Variants in MGME1 observed in about 807,000 individuals in gnomAD.
MGME1 encodes the protein chromosome 20 open reading frame 72.
Under a neutral mutation model 33.0 loss-of-function variants are expected in MGME1, and 22 were observed. The ratio of observed to expected loss-of-function variants is 0.67; its 90% CI spans 0.48 to 0.95. The LOEUF (loss-of-function observed/expected upper bound fraction) is 0.95. Among genes scored for constraint, MGME1 ranks in the 40% least tolerant of loss-of-function variants. MGME1 has a pLI of 0.00. For synonymous variants in MGME1, 133 were observed against 144.0 expected (o/e 0.92, Z 0.55); for missense variants, 383 against 397.8 (o/e 0.96, Z 0.32).
intron 1 of MGME1, 143 bp from the exon 2 acceptor site, chr20:17,969,658 A>C (rs954954421): frequency 5.6e-6 from 3 of 535,602 alleles, no homozygotes; most frequent in Admixed American, 3.7e-5. Context: ...TTTATTTATA[A>C]ATTTTTTTTG....
chr20:17,971,475 T>G (rs1278821416), intron 2 of MGME1, among the ~76,000 whole-genome samples: 1 of 152,218 alleles, frequency 6.6e-6, no homozygotes, highest in Non-Finnish European at 1.5e-5. Context: ...CACTAAAATT[T>G]AGAATTGATA....
chr20:17,983,321 C>A (rs2036080766), intron 3 of MGME1, among the ~76,000 whole-genome samples: 1 of 122,164 alleles, frequency 8.2e-6, no homozygotes, highest in African/African-American at 3.2e-5. Flanking sequence ...TTTCTTTATC[C>A]ATTTATCCAT....
rs2036250374 is a variant in MGME1 at position 17,989,924 on chromosome 20, T to C, written c.865-15T>C. 6.2e-7 allele frequency: 1 copy of C among 1,610,636 alleles called. No individual in the cohort carries two copies. The highest frequency in any genetic ancestry group is 8.5e-7 in the Non-Finnish European group (1 of 1,178,424). On this transcript the variant is annotated splice_polypyrimidine_tract_variant and intron_variant, in intron 4 of 4. Transcript: ENST00000377710. ...TACTGTAGTGAAACGAGAATTGCCC[T>C]GTGTTTCTTCCTAGGTTCAATGTGG...
intron 3 of MGME1, among the ~76,000 whole-genome samples, chr20:17,982,239 T>A (rs2036041574): frequency 6.6e-6 from 1 of 152,192 alleles, no homozygotes; most frequent in Admixed American, 6.5e-5. Context: ...TCCTGTCTTG[T>A]ACTCCCAAGT....
At chr20:17,968,753 G>A (rs2122459931), upstream of MGME1, 1 of 375,256 alleles carries the variant, frequency 2.7e-6, no homozygotes, top group Non-Finnish European at 4.9e-6. Context: ...ACACGGACGG[G>A]AAGCAACGGA....
At chr20:17,975,011 A>G (rs184142483) in intron 2 of MGME1, among the ~76,000 whole-genome samples, 1 of 151,680 alleles carries the variant, frequency 6.6e-6, no homozygotes, top group East Asian at 1.9e-4. Context: ...TAGATTTCTA[A>G]TTTTTTTTTA....
At chr20:17,985,078 A>ATAGT (rs1185492702) in intron 3 of MGME1, among the ~76,000 whole-genome samples, 4 of 150,582 alleles carry the variant, frequency 2.7e-5, no homozygotes, top group Non-Finnish European at 5.9e-5. Context: ...ATATTTCTGT[A>ATAGT]TAGTTGTACG....
rs1555792163 is a variant in MGME1, at chr20:17,990,417, G to GGT, written c.*309_*310insTG. ...TACTCCCTTGAGGGACATTGGGGGG[G>GGT]GGGGGGCGTGGTCCCAGGCAGGATG... On this transcript the variant is annotated 3_prime_UTR_variant, in exon 5 of 5. Transcript: ENST00000377710. 6.5e-5 allele frequency: 22 copies of GGT among 340,000 alleles called. 2 individuals are homozygous for GGT. The highest frequency in any genetic ancestry group is 2.7e-4 in the African/African-American group (12 of 44,702). The allele number at this position is 340,000 out of a possible 1,614,324, so 21.1% of individuals were successfully genotyped here. A position where few individuals can be genotyped will look rare whatever the true frequency, so the allele number is the denominator to read the frequency against.
At position 17,974,792 on chromosome 20, in the gene MGME1, TA is replaced by T. The variant is rs908979432; in HGVS notation, c.512-882del. ...TGAATTTTTCAGGCTGTTCCAGCACTAAAAAAAAAATACAGGAGAAGAATGT... is the reference window on the plus strand; with the variant it reads ...TGAATTTTTCAGGCTGTTCCAGCACTAAAAAAAAATACAGGAGAAGAATGT... On this transcript the variant is annotated intron_variant, in intron 2 of 4. Coordinates refer to ENST00000377710, the MANE Select transcript of MGME1 (RefSeq NM_052865.4). 5.7e-3 allele frequency among the ~76,000 whole-genome samples: 839 copies of T among 148,436 alleles called. 6 individuals carry two copies. The highest frequency in any genetic ancestry group is 0.019 in the African/African-American group (783 of 40,792).
In MGME1 at chr20:17,983,695, T is replaced by G. The variant is rs149185832; in HGVS notation, c.732-4471T>G. On this transcript the variant is annotated intron_variant, in intron 3 of 4. Coordinates refer to ENST00000377710, the MANE Select transcript of MGME1 (RefSeq NM_052865.4). ...TTTTGATTTGTCTTTCACTAATGATTAGAGATATTGAGCATATTTTCATCT... is the reference window on the plus strand; with the variant it reads ...TTTTGATTTGTCTTTCACTAATGATGAGAGATATTGAGCATATTTTCATCT... Among the ~76,000 whole-genome samples the G allele has an allele frequency of 4.2e-3, 635 of 152,338 alleles. 6 individuals carry two copies. Among genetic ancestry groups the G allele is most frequent in the African/African-American group, 0.015 (618 of 41,574 alleles).
rs545584314 is a variant in MGME1 at position 17,990,418 on chromosome 20, G to T, written c.*309G>T. The T allele has an allele frequency of 6.0e-6, 2 of 334,464 alleles. 1 individual carries two copies. The allele number at this position is 334,464 out of a possible 1,614,324, so 20.7% of individuals were successfully genotyped here. A position where few individuals can be genotyped will look rare whatever the true frequency, so the allele number is the denominator to read the frequency against. ...ACTCCCTTGAGGGACATTGGGGGGGGGGGGGCGTGGTCCCAGGCAGGATGC... is the reference window on the plus strand; with the variant it reads ...ACTCCCTTGAGGGACATTGGGGGGGTGGGGGCGTGGTCCCAGGCAGGATGC... On this transcript the variant is annotated 3_prime_UTR_variant, in exon 5 of 5. Coordinates refer to ENST00000377710, the MANE Select transcript of MGME1 (RefSeq NM_052865.4).
intron 3 of MGME1, among the ~76,000 whole-genome samples, chr20:17,984,893 C>T (rs1394348244): frequency 2.0e-5 from 3 of 151,750 alleles, no homozygotes; most frequent in African/African-American, 7.3e-5. Context: ...AAAAATTACC[C>T]GGGTGTGGTG....
intron 3 of MGME1, among the ~76,000 whole-genome samples, chr20:17,980,702 G>T (rs2035991565): frequency 6.6e-6 from 1 of 151,868 alleles, no homozygotes; most frequent in South Asian, 2.1e-4. Flanking sequence ...CCAGCTACTT[G>T]GGAGGCTGAG....
At chr20:17,976,535 T>C (rs2035872553) in intron 3 of MGME1, among the ~76,000 whole-genome samples, 1 of 152,224 alleles carries the variant, frequency 6.6e-6, no homozygotes, top group African/African-American at 2.4e-5. Flanking sequence ...TCTTTCCTGT[T>C]TTTCTAAAGA....
chr20:17,982,945 A>G (rs1385837291), intron 3 of MGME1, among the ~76,000 whole-genome samples: 1 of 152,174 alleles, frequency 6.6e-6, no homozygotes, highest in Non-Finnish European at 1.5e-5. Context: ...CAACTTTTAA[A>G]TATACAATGC....
chr20:17,973,378 T>C (rs1169031040), intron 2 of MGME1, among the ~76,000 whole-genome samples: 3 of 152,112 alleles, frequency 2.0e-5, no homozygotes, highest in Non-Finnish European at 4.4e-5. Flanking sequence ...CCGAGTGCAG[T>C]GGCTCATGCC....
chr20:17,988,260 A>G lies in MGME1; in HGVS notation c.826A>G (p.Met276Val), dbSNP rs923883693. The G allele has an allele frequency of 7.4e-6, 12 of 1,614,116 alleles. No homozygotes were observed. The East Asian group carries it at 2.0e-4, about 27-fold the overall frequency. ...FDNPLQVVAY[M>V]GAMNHDTNYS... ...CAACCCACTGCAAGTTGTGGCATAC[A>G]TGGGTGCCATGAACCATGATACCAA... The change falls in exon 4 of 5, where the codon ATG (methionine) becomes GTG (valine). Residue 276 changes from methionine to valine, a missense_variant. Coordinates refer to ENST00000377710, the MANE Select transcript of MGME1 (RefSeq NM_052865.4).
intron 2 of MGME1, among the ~76,000 whole-genome samples, chr20:17,971,862 A>G (rs113715845): frequency 7.8e-4 from 119 of 152,214 alleles, no homozygotes; most frequent in African/African-American, 2.5e-3. Context: ...CAGCCTGCTG[A>G]GTAGCTGGGA....
chr20:17,978,940 C>A (rs775602886), intron 3 of MGME1, among the ~76,000 whole-genome samples: 19 of 151,784 alleles, frequency 1.3e-4, no homozygotes, highest in Non-Finnish European at 2.9e-5. Context: ...CCACGCCTGG[C>A]TAATTTTTTG....
Sources: gnomAD v4.1 joint callset for allele counts (sites outside exome capture counted in the v4.1 genomes callset) on GRCh38, gnomAD v4.1.1 for gene constraint, MANE v1.5 for transcripts, NCBI Gene and HGNC (gene_info 2026-07-23, HGNC 2026-07-21) for gene names.